The following LRTM1 variants were observed in gnomAD, a reference collection of about 807,000 sequenced individuals.
LRTM1 encodes the protein leucine rich repeat transmembrane protein 1.
Under a neutral mutation model 32.4 loss-of-function variants are expected in LRTM1, and 38 were observed. The ratio of observed to expected loss-of-function variants is 1.17; its 90% confidence interval spans 0.91 to 1.54. The LOEUF (loss-of-function observed/expected upper bound fraction) is 1.54, where lower values mean the gene tolerates loss of function less well. Ranked by LOEUF, LRTM1 falls within the 40% of genes most tolerant of loss-of-function variation. The pLI is 0.00. For synonymous variants in LRTM1, 186 were observed against 169.9 expected, an observed-to-expected ratio of 1.09 and a Z score of -0.74; for missense variants, 466 against 415.4, an observed-to-expected ratio of 1.12 and a Z score of -1.06.
At chr3:54,949,552 G>A (rs1701702747) in intron 1 of LRTM1, among the ~76,000 whole-genome samples, 1 of 152,196 alleles carries the variant, frequency 6.6e-6, no homozygotes, top group Admixed American at 6.5e-5. Flanking sequence ...CAGAACTTGT[G>A]TAAATCTACC....
At chr3:54,939,899 T>C (rs1458743940) in intron 1 of LRTM1, among the ~76,000 whole-genome samples, 2 of 152,176 alleles carry the variant, frequency 1.3e-5, no homozygotes, top group African/African-American at 4.8e-5. Context: ...AGTCTGAAGA[T>C]AGAGCATGCC....
chr3:54,965,143 G>A (rs1409811604), intron 1 of LRTM1, among the ~76,000 whole-genome samples: 1 of 152,190 alleles, frequency 6.6e-6, no homozygotes, highest in Admixed American at 6.5e-5. Flanking sequence ...TGCTATTGGA[G>A]TCATAGACAG....
Position 54,944,586 on chromosome 3 carries a change from A to G in LRTM1, c.-221-19371T>C, listed in dbSNP as rs544540308. 2.8e-3 allele frequency among the ~76,000 whole-genome samples: 421 copies of G among 151,876 alleles called. 2 individuals carry two copies. Among genetic ancestry groups the G allele is most frequent in the Non-Finnish European group, 4.8e-3 (324 of 67,922 alleles). ...CAGGCGCCCACCACCCTGCCTGGCT[A>G]ATTTTTTTGTATTTTTAGTAGAGAC... On this transcript the variant is annotated intron_variant, in intron 1 of 2. Transcript: ENST00000493075.
intron 1 of LRTM1, among the ~76,000 whole-genome samples, chr3:54,926,542 ACACAC>A (rs2106944926): frequency 7.1e-6 from 1 of 140,918 alleles, no homozygotes; most frequent in African/African-American, 2.9e-5. Context: ...ACACACACAC[ACACAC>A]ACACACTCTG....
At chr3:54,941,498 G>A (rs1015184460) in intron 1 of LRTM1, among the ~76,000 whole-genome samples, 1 of 152,068 alleles carries the variant, frequency 6.6e-6, no homozygotes, top group African/African-American at 2.4e-5. Context: ...TCCATTCATT[G>A]TTCATCGTTT....
chr3:54,941,986 A>T (rs550853689), intron 1 of LRTM1, among the ~76,000 whole-genome samples: 2 of 152,240 alleles, frequency 1.3e-5, no homozygotes, highest in Non-Finnish European at 2.9e-5. Context: ...TTATTTGAAA[A>T]TCATTCCATC....
chr3:54,922,425 C>CAGT (rs1340080564), intron 2 of LRTM1, among the ~76,000 whole-genome samples: 2 of 151,888 alleles, frequency 1.3e-5, no homozygotes. Flanking sequence ...TAGTTCAAGC[C>CAGT]ACTTTACCTG....
chr3:54,949,117 T>C (rs1701690766), intron 1 of LRTM1, among the ~76,000 whole-genome samples: 1 of 152,144 alleles, frequency 6.6e-6, no homozygotes, highest in Non-Finnish European at 1.5e-5. Flanking sequence ...GCAAACTCAG[T>C]GGAAAGAAAC....
chr3:54,925,434 G>A (rs988341664), intron 1 of LRTM1, among the ~76,000 whole-genome samples: 5 of 152,200 alleles, frequency 3.3e-5, no homozygotes, highest in Non-Finnish European at 7.4e-5. Context: ...GCCACCTATC[G>A]TCTGAAGCCT....
chr3:54,924,905 G>A lies in LRTM1; in HGVS notation c.318C>T (p.Thr106=), dbSNP rs754663888. Residue 106 remains threonine, a synonymous_variant, in exon 2 of 3, where the codon ACC becomes ACT. Coordinates refer to ENST00000273286, the MANE Select transcript of LRTM1 (RefSeq NM_020678.4). The part of the protein sequence containing the change: ...GLQHLQVLNL[T]QNSLLSLESR... ...TTTCCAGGGAAAGGAGTGAATTCTG[G>A]GTTAGATTTAAAACCTGCAAGTGCT... is the stretch of plus-strand genomic sequence containing the variant. 9.3e-6 allele frequency: 15 copies of A among 1,613,584 alleles called. No individual in the cohort carries two copies. In the East Asian group the frequency reaches 3.3e-4, roughly 36 times the overall value.
At chr3:54,922,022 A>G (rs1700866812) in intron 2 of LRTM1, among the ~76,000 whole-genome samples, 4 of 152,130 alleles carry the variant, frequency 2.6e-5, no homozygotes, top group African/African-American at 9.7e-5. Context: ...GATTTTTCCT[A>G]GTTATGTTGG....
upstream of LRTM1, among the ~76,000 whole-genome samples, chr3:54,930,121 A>G (rs908323830): frequency 2.6e-5 from 4 of 152,218 alleles, no homozygotes; most frequent in African/African-American, 9.6e-5. Flanking sequence ...CTGCATTCCA[A>G]TAAAACTTTA....
chr3:54,958,100 G>A (rs1175578543), intron 1 of LRTM1, among the ~76,000 whole-genome samples: 2 of 152,234 alleles, frequency 1.3e-5, no homozygotes, highest in Non-Finnish European at 2.9e-5. Flanking sequence ...GAATACAGCA[G>A]TAAACAAAGA....
intron 1 of LRTM1, among the ~76,000 whole-genome samples, chr3:54,934,203 G>A (rs1381781699): frequency 1.3e-5 from 2 of 152,142 alleles, no homozygotes; most frequent in African/African-American, 4.8e-5. Flanking sequence ...AATATTAAGG[G>A]AACCTATAGT....
chr3:54,965,785 C>T (rs909228784), intron 1 of LRTM1, among the ~76,000 whole-genome samples: 1 of 152,192 alleles, frequency 6.6e-6, no homozygotes, highest in Non-Finnish European at 1.5e-5. Context: ...TAGGTCAAAA[C>T]TAGCAGAACA....
In LRTM1 at chr3:54,924,596, G is replaced by T. The variant is rs762226202; in HGVS notation, c.604+23C>A. On this transcript the variant is annotated intron_variant, in intron 2 of 2. Transcript: ENST00000273286. ...CTAGGCTGGTAACACACAGATGGGG[G>T]GTTCCAAATAGACATGACTGACCTT... The T allele has an allele frequency of 1.2e-5, 19 of 1,554,542 alleles. No homozygotes were observed. The South Asian group carries it at 1.9e-4, about 16-fold the overall frequency.
intron 1 of LRTM1, among the ~76,000 whole-genome samples, chr3:54,934,113 C>T (rs563395103): frequency 3.9e-5 from 6 of 152,256 alleles, no homozygotes; most frequent in South Asian, 2.1e-4. Flanking sequence ...AAAACAGGGA[C>T]GGAGAAGGTA....
chr3:54,949,411 C>T (rs993612784), intron 1 of LRTM1, among the ~76,000 whole-genome samples: 1 of 152,194 alleles, frequency 6.6e-6, no homozygotes, highest in South Asian at 2.1e-4. Flanking sequence ...TATTCCAGCT[C>T]AGCTGGAGTT....
rs148931046 is a variant in LRTM1 at position 54,919,205 on chromosome 3, G to A, written c.605-313C>T. Among the ~76,000 whole-genome samples the A allele has an allele frequency of 2.2e-3, 331 of 152,340 alleles. 1 individual carries two copies. The highest frequency in any genetic ancestry group is 7.5e-3 in the African/African-American group (310 of 41,592). The stretch of plus-strand genomic sequence containing the variant: ...CTGACAAGAAGGCACGCTGGGGGCC[G>A]ATGGTGAGGGCACAGCTGCCCACTG... On this transcript the variant is annotated intron_variant, in intron 2 of 2. Coordinates refer to ENST00000273286, the MANE Select transcript of LRTM1 (RefSeq NM_020678.4).
Sources: allele counts gnomAD v4.1 joint callset (sites outside exome capture counted in the v4.1 genomes callset), GRCh38; gene constraint gnomAD v4.1.1; transcripts MANE v1.5; gene names NCBI Gene and HGNC (gene_info 2026-07-23, HGNC 2026-07-21).